The following AP2A2 variants were observed in gnomAD, a reference collection of about 807,000 sequenced individuals.
AP2A2 encodes the protein AP-2 complex subunit alpha-2.
AP2A2 carries 32 observed loss-of-function variants against 104.2 expected under a neutral mutation model. The observed-to-expected ratio is 0.31, with a 90% CI of 0.23 to 0.41. The LOEUF (loss-of-function observed/expected upper bound fraction) is 0.41, where lower values mean the gene tolerates loss of function less well. Ranked by LOEUF, AP2A2 falls within the 10% of genes least tolerant of loss-of-function variation. AP2A2 has a pLI of 1.00. For missense variants in AP2A2, 912 were observed against 1,261.0 expected (o/e 0.72, Z 4.19); for synonymous variants, 539 against 533.3 (o/e 1.01, Z -0.15).
At chr11:977,949 G>T (rs1293396206) in intron 5 of AP2A2, among the ~76,000 whole-genome samples, 1 of 152,142 alleles carries the variant, frequency 6.6e-6, no homozygotes, top group African/African-American at 2.4e-5. Context: ...CCATCCTGGC[G>T]GGGGAGCCTT....
rs568159584 is a variant in AP2A2, at chr11:1,006,605, G to C, written c.2284G>C (p.Asp762His). Residue 762 changes from aspartate (D) to histidine (H), a missense_variant, in exon 17 of 22, where the codon GAC becomes CAC. Asp to His is a moderately conservative substitution (Grantham distance 81). Coordinates refer to ENST00000448903, the MANE Select transcript of AP2A2 (RefSeq NM_012305.4). ...TACCCCAACACTAATCTGTTCAGAC[G>C]ACCTTCAGCCTAATATCCTTGGCTT... Reference protein sequence around the residue: ...NFTPTLICSDDLQPNLNLQTK... With the variant: ...NFTPTLICSDHLQPNLNLQTK... 1 of 1,613,120 alleles carries C rather than the reference G, an allele frequency of 6.2e-7. No individual in the cohort carries two copies. Among genetic ancestry groups the C allele is most frequent in the South Asian group, 1.1e-5 (1 of 91,016 alleles).
At position 994,240 on chromosome 11, in the gene AP2A2, G is replaced by A. The variant is rs370131600; in HGVS notation, c.1951G>A (p.Ala651Thr). The stretch of plus-strand genomic sequence containing the variant: ...TGAGCCTGCCCCAGCCAGTACCAGC[G>A]CCGTGGTGGGTCCCTCACCTACTGT... ...GPEPAPASTS[A>T]VSTPSPSADL... The change falls in exon 14 of 22, where the codon GCC (alanine) becomes ACC (threonine). Residue 651 changes from alanine (A) to threonine (T), a missense_variant. By Grantham distance (58) the Ala-to-Thr change is moderately conservative. This residue lies in a region of AP2A2 where 105 missense variants were observed against 90.9 expected (regional missense o/e 1.16). Coordinates refer to ENST00000448903, the MANE Select transcript of AP2A2 (RefSeq NM_012305.4). The A allele has an allele frequency of 4.0e-5, 64 of 1,612,686 alleles. 1 individual carries two copies. Among genetic ancestry groups the A allele is most frequent in the African/African-American group, 2.1e-4 (16 of 74,930 alleles).
intron 4 of AP2A2, among the ~76,000 whole-genome samples, chr11:974,508 C>G (rs532904822): frequency 6.6e-6 from 1 of 152,230 alleles, no homozygotes; most frequent in Admixed American, 6.5e-5. Context: ...TGGCGAAACC[C>G]CGTCTCTACT....
intron 2 of AP2A2, 150 bp from the exon 3 acceptor site, chr11:970,019 A>T: frequency 1.4e-6 from 1 of 718,118 alleles, no homozygotes. Context: ...CATGCTCAGC[A>T]GCGTCTGCAC....
In AP2A2 at chr11:1,009,829, A is replaced by G; in HGVS notation, c.2742+12A>G. 2.6e-6 allele frequency: 4 copies of G among 1,537,320 alleles called. No homozygotes were observed. Among genetic ancestry groups the G allele is most frequent in the Non-Finnish European group, 3.5e-6 (4 of 1,135,392 alleles). Reference sequence around the variant, plus strand: ...ACCTGCAAGCCCAGGTCAGGCCCTCAGGAAATGGTGGAACACACTTGAGTT... The same window carrying G: ...ACCTGCAAGCCCAGGTCAGGCCCTCGGGAAATGGTGGAACACACTTGAGTT... On this transcript the variant is annotated intron_variant, in intron 21 of 21. Coordinates refer to ENST00000448903, the MANE Select transcript of AP2A2 (RefSeq NM_012305.4).
At chr11:1,003,860 G>A (rs978883249) in intron 16 of AP2A2, 56 bp downstream of exon 16, 20 of 1,198,686 alleles carry the variant, frequency 1.7e-5, no homozygotes, top group Non-Finnish European at 2.3e-5. Flanking sequence ...GAAATTAAGA[G>A]AAAATATTTG....
At chr11:960,179 A>G (rs1013699783) in intron 2 of AP2A2, among the ~76,000 whole-genome samples, 4 of 151,882 alleles carry the variant, frequency 2.6e-5, no homozygotes, top group African/African-American at 9.7e-5. Flanking sequence ...CTTGGGGACA[A>G]CTGGAGTTTC....
chr11:954,551 T>A (rs1046849406), intron 1 of AP2A2, among the ~76,000 whole-genome samples: 1 of 152,122 alleles, frequency 6.6e-6, no homozygotes, highest in African/African-American at 2.4e-5. Flanking sequence ...TGTATTTATG[T>A]GTGTTTGTAA....
intron 1 of AP2A2, among the ~76,000 whole-genome samples, chr11:953,321 T>A (rs1854115358): frequency 6.6e-6 from 1 of 152,128 alleles, no homozygotes; most frequent in Non-Finnish European, 1.5e-5. Flanking sequence ...CACGCCACCA[T>A]GCCCAGCTAA....
intron 1 of AP2A2, among the ~76,000 whole-genome samples, chr11:951,502 G>T (rs1589958617): frequency 1.3e-5 from 2 of 152,168 alleles, no homozygotes; most frequent in African/African-American, 4.8e-5. Flanking sequence ...ACTCCAGCCT[G>T]GGTGACAGGG....
At chr11:973,523 T>C (rs1159270600) in intron 4 of AP2A2, among the ~76,000 whole-genome samples, 2 of 152,034 alleles carry the variant, frequency 1.3e-5, no homozygotes, top group African/African-American at 4.8e-5. Context: ...CACAGTAGGA[T>C]GGACAGGAGC....
chr11:928,953 A>G (rs1043123668), intron 1 of AP2A2, among the ~76,000 whole-genome samples: 5 of 152,094 alleles, frequency 3.3e-5, no homozygotes, highest in Non-Finnish European at 2.9e-5. Flanking sequence ...TGCGCACCCT[A>G]TCTTGCTCAT....
chr11:953,897 C>T (rs557430422), intron 1 of AP2A2, among the ~76,000 whole-genome samples: 16 of 150,380 alleles, frequency 1.1e-4, no homozygotes, highest in South Asian at 1.1e-3. Flanking sequence ...TGCAATGGCG[C>T]GATCTCGGCT....
At chr11:973,386 A>G (rs1375450639) in intron 4 of AP2A2, among the ~76,000 whole-genome samples, 1 of 152,132 alleles carries the variant, frequency 6.6e-6, no homozygotes, top group Non-Finnish European at 1.5e-5. Flanking sequence ...AGGACGTCCC[A>G]CAATAGAGAA....
At chr11:974,286 C>T (rs896796838) in intron 4 of AP2A2, among the ~76,000 whole-genome samples, 10 of 151,476 alleles carry the variant, frequency 6.6e-5, no homozygotes, top group Non-Finnish European at 8.8e-5. Context: ...AGGTCACAGG[C>T]AGGGTTCTCC....
intron 14 of AP2A2, chr11:996,363 A>T (rs1488111997): frequency 6.6e-6 from 1 of 152,316 alleles, no homozygotes; most frequent in African/African-American, 2.4e-5. Flanking sequence ...GGAAGGCACC[A>T]GGTGCTCTCG....
intron 1 of AP2A2, among the ~76,000 whole-genome samples, chr11:935,603 G>GTTTTTTTTGTTTT (rs1371841792): frequency 1.5e-4 from 12 of 77,988 alleles, no homozygotes; most frequent in African/African-American, 5.6e-4. Flanking sequence ...TGCCCGGCCA[G>GTTTTTTTTGTTTT]TTTTTTTTTT....
At chr11:984,804 C>A in intron 7 of AP2A2, 51 bp downstream of exon 7, 1 of 1,400,906 alleles carries the variant, frequency 7.1e-7, no homozygotes. Flanking sequence ...AGTCTGATTC[C>A]CTGTCTCAGA....
chr11:930,892 C>G (rs532387726), intron 1 of AP2A2, among the ~76,000 whole-genome samples: 1 of 152,194 alleles, frequency 6.6e-6, no homozygotes, highest in Non-Finnish European at 1.5e-5. Flanking sequence ...GACACTGGTA[C>G]ACACCACCAG....
Sources: gnomAD v4.1 joint callset for allele counts (sites outside exome capture counted in the v4.1 genomes callset) on GRCh38, gnomAD v4.1.1 for gene constraint, gnomAD v4.1.1 regional missense constraint, MANE v1.5 for transcripts, NCBI Gene and HGNC (gene_info 2026-07-23, HGNC 2026-07-21) for gene names.